CERK: variants seen among roughly 807,000 people sequenced by gnomAD.
CERK encodes ceramide kinase, also known as acylsphingosine kinase.
Under a neutral mutation model 63.4 loss-of-function variants are expected in CERK, and 39 were observed. The observed-to-expected ratio is 0.61, with a 90% CI of 0.48 to 0.80. The LOEUF is 0.80. CERK is among the 30% of genes least tolerant of loss of function. The pLI is 0.00. For missense variants in CERK, 670 were observed against 714.1 expected, an observed-to-expected ratio of 0.94 and a Z score of 0.70; for synonymous variants, 302 against 280.0, an observed-to-expected ratio of 1.08 and a Z score of -0.78.
chr22:46,714,851 G>A lies in CERK; in HGVS notation c.380-2558C>T, dbSNP rs76937704. On this transcript the variant is annotated intron_variant, in intron 3 of 12. Transcript: ENST00000216264. The surrounding 1 kb of genome is among the most constrained non-coding windows in gnomAD (Gnocchi z 4.4). ...TCAGACATCCCTCCCCTGAACCTAC[G>A]TGCAAAAATCCTAAACACAATATCG... 7.9e-3 allele frequency among the ~76,000 whole-genome samples: 1,197 copies of A among 152,072 alleles called. 9 individuals carry two copies. Among genetic ancestry groups the A allele is most frequent in the Non-Finnish European group, 0.012 (837 of 67,992 alleles).
chr22:46,696,087 G>A (rs972617708), intron 8 of CERK, among the ~76,000 whole-genome samples: 5 of 151,954 alleles, frequency 3.3e-5, no homozygotes, highest in Non-Finnish European at 7.4e-5. Context: ...CCTTACCCCC[G>A]ACACACAGAG....
intron 1 of CERK, among the ~76,000 whole-genome samples, chr22:46,735,853 T>G (rs2082970626): frequency 6.6e-6 from 1 of 152,216 alleles, no homozygotes. Context: ...TGGGCCTGAT[T>G]CCTTTTGGGG....
At chr22:46,733,231 T>A (rs2082955066) in intron 1 of CERK, among the ~76,000 whole-genome samples, 1 of 146,816 alleles carries the variant, frequency 6.8e-6, no homozygotes, top group Admixed American at 6.8e-5. Context: ...AAAAAAAAAA[T>A]TAACCCTTTC....
intron 1 of CERK, among the ~76,000 whole-genome samples, chr22:46,732,585 CT>C (rs60804134): frequency 0.28 from 39,125 of 141,530 alleles, 5,117 homozygotes; most frequent in East Asian, 0.45. Flanking sequence ...AAGGATATCA[CT>C]TTTTTTTTTT....
Position 46,699,463 on chromosome 22 carries a change from C to A in CERK, c.793G>T (p.Asp265Tyr). ...ETSALHIVVG[D>Y]SLAMDVSSVH... The stretch of plus-strand genomic sequence containing the variant: ...GAGGACACATCCATGGCCAGCGAGT[C>A]CCCTGTGGGAGAGAACGGCCGTGAG... The change falls in exon 8 of 13, where the codon GAC becomes TAC. Residue 265 changes from aspartate (D) to tyrosine (Y), a missense_variant and splice_region_variant. Physicochemically the swap from Asp to Tyr is radical, Grantham distance 160. Coordinates refer to ENST00000216264, the MANE Select transcript of CERK (RefSeq NM_022766.6). 1 of 1,614,036 alleles carries A rather than the reference C, an allele frequency of 6.2e-7. No individual in the cohort carries two copies. Among genetic ancestry groups the A allele is most frequent in the Non-Finnish European group, 8.5e-7 (1 of 1,179,948 alleles).
At chr22:46,721,283 A>G (rs1388589508) in intron 1 of CERK, among the ~76,000 whole-genome samples, 1 of 151,042 alleles carries the variant, frequency 6.6e-6, no homozygotes, top group East Asian at 1.9e-4. Context: ...AAAAGAAAAA[A>G]GATATACATA....
chr22:46,732,007 G>C (rs1439402993), intron 1 of CERK, among the ~76,000 whole-genome samples: 1 of 152,222 alleles, frequency 6.6e-6, no homozygotes, highest in Admixed American at 6.5e-5. Flanking sequence ...GTCGGGAGGG[G>C]AAGACCGGGG....
At chr22:46,710,996 A>G (rs1601719910) in intron 5 of CERK, 90 bp downstream of exon 5, 1 of 1,032,548 alleles carries the variant, frequency 9.7e-7, no homozygotes, top group Non-Finnish European at 1.5e-6. Flanking sequence ...CGGGGGGCGG[A>G]TTTAGGAAAA....
intron 2 of CERK, 63 bp downstream of exon 2, chr22:46,720,839 C>T: frequency 1.0e-6 from 1 of 1,001,442 alleles, no homozygotes; most frequent in Non-Finnish European, 1.6e-6. Context: ...CAGAAAAGTT[C>T]CCTCTCGTGT....
chr22:46,735,952 T>C (rs73888640), intron 1 of CERK, among the ~76,000 whole-genome samples: 2,122 of 152,314 alleles, frequency 0.014, 58 homozygotes, highest in African/African-American at 0.048. Flanking sequence ...TTGTTGATGT[T>C]TTCCCATTGC....
At chr22:46,733,822 A>G (rs1206393770) in intron 1 of CERK, among the ~76,000 whole-genome samples, 2 of 151,564 alleles carry the variant, frequency 1.3e-5, no homozygotes, top group Non-Finnish European at 1.5e-5. Flanking sequence ...CAGGCAGATC[A>G]TCTGAGGTCA....
At chr22:46,723,448 G>A (rs775289261) in intron 1 of CERK, among the ~76,000 whole-genome samples, 5 of 151,918 alleles carry the variant, frequency 3.3e-5, no homozygotes, top group South Asian at 2.1e-4. Context: ...GTGAAACCCC[G>A]TCTCTACTAA....
At chr22:46,720,244 T>C (rs747992065) in intron 2 of CERK, 36 bp from the exon 3 acceptor site, 2 of 1,585,526 alleles carry the variant, frequency 1.3e-6, no homozygotes, top group African/African-American at 2.7e-5. Context: ...AGTGCAAAGT[T>C]TGCAGGGTCA....
At chr22:46,712,562 C>G (rs1211834670) in intron 3 of CERK, among the ~76,000 whole-genome samples, 1 of 152,188 alleles carries the variant, frequency 6.6e-6, no homozygotes, top group Non-Finnish European at 1.5e-5. Flanking sequence ...CTGAGAAGGG[C>G]TCTCTCTGCT....
chr22:46,704,333 G>A (rs979085586), intron 6 of CERK, among the ~76,000 whole-genome samples: 1 of 152,220 alleles, frequency 6.6e-6, no homozygotes, highest in Non-Finnish European at 1.5e-5. Context: ...ACTGCCACTG[G>A]CAAATGGTGA....
In CERK at chr22:46,695,244, C is replaced by T. The variant is rs765992916; in HGVS notation, c.1015G>A (p.Gly339Arg). The T allele has an allele frequency of 1.2e-6, 2 of 1,609,768 alleles. No individual in the cohort carries two copies. Among genetic ancestry groups the T allele is most frequent in the South Asian group, 2.2e-5 (2 of 90,874 alleles). The change falls in exon 9 of 13, where the codon GGA (glycine) becomes AGA (arginine). Residue 339 changes from glycine to arginine, a missense_variant. Gly to Arg is a moderately radical substitution (Grantham distance 125). Transcript: ENST00000216264. ...VSFLPAQHTV[G>R]SPRDRKPCRA... ...CAGGGCTTCCTATCCCTTGGAGATC[C>T]CACCGTGTGTTGTGCAGGGAGGAAG...
chr22:46,728,899 G>A (rs2082932777), intron 1 of CERK, among the ~76,000 whole-genome samples: 1 of 152,230 alleles, frequency 6.6e-6, no homozygotes, highest in Non-Finnish European at 1.5e-5. Flanking sequence ...AGAGGGGGCT[G>A]GAGCAGGAAT....
chr22:46,738,016 G>C lies in CERK; in HGVS notation c.133C>G (p.Pro45Ala). Residue 45 changes from proline to alanine, a missense_variant, in exon 1 of 13, where the codon CCC (proline) becomes GCC (alanine). Physicochemically the swap from Pro to Ala is conservative, Grantham distance 27. Transcript: ENST00000216264. ...CGGCGGCGACACTCACCCGCGCCGGGGGCGCCGGCTCCGGGCCCCGGGCTC... is the reference window on the plus strand; with the variant it reads ...CGGCGGCGACACTCACCCGCGCCGGCGGCGCCGGCTCCGGGCCCCGGGCTC... ...WRSPGPGAGA[P>A]GADACSVPVS... The C allele has an allele frequency of 8.4e-7, 1 of 1,186,786 alleles. No individual in the cohort carries two copies. 73.5% of individuals were successfully genotyped at this position (1,186,786 alleles called of 1,614,324 possible).
intron 8 of CERK, among the ~76,000 whole-genome samples, chr22:46,699,085 G>A (rs2082770372): frequency 6.6e-6 from 1 of 152,102 alleles, no homozygotes. Flanking sequence ...TCTACTCTGT[G>A]GCTTATGCTT....
Sources: gnomAD v4.1 joint callset for allele counts (sites outside exome capture counted in the v4.1 genomes callset) on GRCh38, gnomAD v4.1.1 for gene constraint, Gnocchi (gnomAD v3.1) non-coding constraint, MANE v1.5 for transcripts, NCBI Gene and HGNC (gene_info 2026-07-23, HGNC 2026-07-21) for gene names.